NEGR1: variants seen among roughly 807,000 people sequenced by gnomAD.
The protein encoded by NEGR1 is neuronal growth regulator 1.
Under a neutral mutation model 40.9 loss-of-function variants are expected in NEGR1, and 10 were observed. The ratio of observed to expected loss-of-function variants is 0.24; its 90% CI spans 0.15 to 0.42. NEGR1 has a LOEUF of 0.42. Ranked by LOEUF, NEGR1 falls within the 10% of genes least tolerant of loss-of-function variation. NEGR1 has a pLI of 1.00. For synonymous variants in NEGR1, 185 were observed against 166.8 expected (o/e 1.11, Z -0.84); for missense variants, 352 against 438.9 (o/e 0.80, Z 1.77).
In NEGR1 at chr1:71,407,050, A is replaced by T. The variant is rs1436039840; in HGVS notation, c.*396T>A. The T allele has an allele frequency of 2.0e-5, 3 of 153,752 alleles. No individual in the cohort carries two copies. The Admixed American group carries it at 2.0e-4, about 10-fold the overall frequency. The allele number at this position is 153,752 out of a possible 1,614,324, so 9.5% of individuals were successfully genotyped here. On this transcript the variant is annotated 3_prime_UTR_variant, in exon 7 of 7. Transcript: ENST00000357731. ...TGGATTGACTCTTATTGAAACAGGG[A>T]ACTGAATGCTTGTATTGCAGCCTTA...
At chr1:71,937,055 G>T (rs1645912698) in intron 1 of NEGR1, among the ~76,000 whole-genome samples, 1 of 152,174 alleles carries the variant, frequency 6.6e-6, no homozygotes, top group African/African-American at 2.4e-5. Context: ...CTACAAAATT[G>T]TAAGCTGAAA....
chr1:71,740,476 G>GA (rs1370133000), intron 3 of NEGR1, among the ~76,000 whole-genome samples: 1 of 151,938 alleles, frequency 6.6e-6, no homozygotes, highest in Non-Finnish European at 1.5e-5. Context: ...TTTTCCTAAC[G>GA]AGACACTATC....
intron 2 of NEGR1, among the ~76,000 whole-genome samples, chr1:71,790,589 A>G (rs1197032583): frequency 6.6e-6 from 1 of 152,068 alleles, no homozygotes; most frequent in East Asian, 1.9e-4. Context: ...CAGTTGATCT[A>G]GTAGAAAAAA....
intron 3 of NEGR1, among the ~76,000 whole-genome samples, chr1:71,706,564 CAA>C (rs35126210): frequency 1.8e-3 from 206 of 116,170 alleles, no homozygotes; most frequent in African/African-American, 4.3e-3. Context: ...GTTGCTGCTC[CAA>C]AAAAAAAAAA....
chr1:72,235,743 C>T (rs1654524215), intron 1 of NEGR1, among the ~76,000 whole-genome samples: 1 of 151,906 alleles, frequency 6.6e-6, no homozygotes, highest in Admixed American at 6.6e-5. Flanking sequence ...ATTCTAGGGT[C>T]TTGTGCAGGA....
chr1:72,188,474 T>C (rs1652694531), intron 1 of NEGR1, among the ~76,000 whole-genome samples: 1 of 151,528 alleles, frequency 6.6e-6, no homozygotes, highest in African/African-American at 2.4e-5. Context: ...ACATATTCTT[T>C]TAGAGCCTAT....
chr1:71,839,514 A>C (rs1488156701), intron 2 of NEGR1, among the ~76,000 whole-genome samples: 1 of 151,950 alleles, frequency 6.6e-6, no homozygotes, highest in Non-Finnish European at 1.5e-5. Flanking sequence ...CCTGGCCGAG[A>C]CCAGACTTAG....
chr1:71,769,536 G>A (rs564863503), intron 3 of NEGR1, among the ~76,000 whole-genome samples: 4 of 152,262 alleles, frequency 2.6e-5, no homozygotes, highest in African/African-American at 9.6e-5. Context: ...TCCATGCTGT[G>A]CTCATGATAG....
At chr1:71,611,225 T>G in intron 4 of NEGR1, 79 bp from the exon 5 acceptor site, 1 of 1,324,036 alleles carries the variant, frequency 7.6e-7, no homozygotes, top group Non-Finnish European at 1.1e-6. Flanking sequence ...ACATATATTT[T>G]TATTCCTTCT....
chr1:72,043,053 C>G (rs924828105), intron 1 of NEGR1, among the ~76,000 whole-genome samples: 5 of 151,834 alleles, frequency 3.3e-5, no homozygotes, highest in African/African-American at 1.2e-4. Context: ...GCATAGCATA[C>G]CAGGCCACAT....
chr1:71,817,195 C>T (rs900210682), intron 2 of NEGR1, among the ~76,000 whole-genome samples: 2 of 152,048 alleles, frequency 1.3e-5, no homozygotes, highest in Middle Eastern at 3.2e-3. Context: ...AAAAGACTTG[C>T]TCATGCAGCT....
chr1:72,257,319 CT>C (rs1655305814), intron 1 of NEGR1, among the ~76,000 whole-genome samples: 1 of 77,406 alleles, frequency 1.3e-5, no homozygotes, highest in African/African-American at 8.5e-5. Context: ...GAGACTCTGT[CT>C]CAAAAAAAAA....
chr1:71,705,549 A>G (rs560732475), intron 3 of NEGR1, among the ~76,000 whole-genome samples: 2 of 152,256 alleles, frequency 1.3e-5, no homozygotes, highest in African/African-American at 2.4e-5. Context: ...GTAAAAACAT[A>G]CAACCCAATT....
At chr1:72,176,228 T>G (rs1652159047) in intron 1 of NEGR1, among the ~76,000 whole-genome samples, 1 of 152,140 alleles carries the variant, frequency 6.6e-6, no homozygotes, top group East Asian at 1.9e-4. Context: ...TTGATTTTTC[T>G]TACCTCAGAG....
chr1:71,440,545 C>A (rs934261068), intron 6 of NEGR1, among the ~76,000 whole-genome samples: 71 of 152,138 alleles, frequency 4.7e-4, no homozygotes, highest in Non-Finnish European at 1.0e-4. Flanking sequence ...GTTATTATAT[C>A]ACTTATGGAT....
At chr1:71,538,846 C>T (rs1647594784) in intron 6 of NEGR1, among the ~76,000 whole-genome samples, 1 of 151,704 alleles carries the variant, frequency 6.6e-6, no homozygotes, top group East Asian at 2.0e-4. Context: ...ACAGCACTGT[C>T]CTGGAAGTCA....
chr1:72,273,582 T>C (rs923416271), intron 1 of NEGR1, among the ~76,000 whole-genome samples: 5 of 151,856 alleles, frequency 3.3e-5, no homozygotes, highest in African/African-American at 7.2e-5. Context: ...AATCTTAACA[T>C]AGCACATACA....
intron 2 of NEGR1, among the ~76,000 whole-genome samples, chr1:71,879,735 T>C (rs1163662106): frequency 2.0e-5 from 3 of 152,206 alleles, no homozygotes; most frequent in African/African-American, 7.2e-5. Flanking sequence ...GTTTTTAACA[T>C]GGCATTCACA....
chr1:71,647,188 G>T (rs897047536), intron 4 of NEGR1, among the ~76,000 whole-genome samples: 5 of 151,794 alleles, frequency 3.3e-5, no homozygotes, highest in African/African-American at 9.7e-5. Flanking sequence ...TCAGCCCTGA[G>T]CCTAACCCAC....
Sources: allele counts gnomAD v4.1 joint callset (sites outside exome capture counted in the v4.1 genomes callset), GRCh38; gene constraint gnomAD v4.1.1; transcripts MANE v1.5; gene names NCBI Gene and HGNC (gene_info 2026-07-23, HGNC 2026-07-21).